Variants in VPS13D observed in about 807,000 individuals in gnomAD.
VPS13D encodes intermembrane lipid transfer protein VPS13D.
VPS13D carries 187 observed loss-of-function variants against 461.9 expected under a neutral mutation model. That is an observed-to-expected ratio of 0.40 (90% CI 0.36 to 0.46). The LOEUF (loss-of-function observed/expected upper bound fraction) is 0.46, where lower values mean the gene tolerates loss of function less well. Among genes scored for constraint, VPS13D ranks in the 20% least tolerant of loss-of-function variants. The probability of loss-of-function intolerance (pLI) is 0.60; values close to 1 mark genes in which losing one functional copy is unlikely to be tolerated. For synonymous variants in VPS13D, 1,951 were observed against 1,986.3 expected (o/e 0.98, Z 0.47); for missense variants, 4,711 against 5,364.9 (o/e 0.88, Z 3.81).
chr1:12,414,345 C>T (rs1224062025), intron 63 of VPS13D, among the ~76,000 whole-genome samples: 1 of 151,988 alleles, frequency 6.6e-6, no homozygotes, highest in Non-Finnish European at 1.5e-5. Context: ...TATCAAAAAG[C>T]CTGAAACAAC....
chr1:12,251,659 T>C (rs1177535664), intron 6 of VPS13D, among the ~76,000 whole-genome samples: 1 of 152,144 alleles, frequency 6.6e-6, no homozygotes, highest in Non-Finnish European at 1.5e-5. Flanking sequence ...ATAACTTTTT[T>C]TTTCCTGGCA....
chr1:12,399,430 C>T (rs1241116330), intron 60 of VPS13D, among the ~76,000 whole-genome samples: 1 of 151,662 alleles, frequency 6.6e-6, no homozygotes, highest in African/African-American at 2.4e-5. Context: ...CTCCTGACCT[C>T]GTGATCCGCC....
intron 62 of VPS13D, 57 bp downstream of exon 62, chr1:12,401,761 G>C (rs192390519): frequency 1.4e-6 from 2 of 1,458,744 alleles, no homozygotes; most frequent in Admixed American, 1.7e-5. Context: ...TGGTATTTTT[G>C]AGTCTGTTTG....
At chr1:12,259,595 C>T (rs757182422) in intron 10 of VPS13D, among the ~76,000 whole-genome samples, 2 of 152,128 alleles carry the variant, frequency 1.3e-5, no homozygotes, top group Non-Finnish European at 2.9e-5. Flanking sequence ...TGAGCCACTG[C>T]GCCCAGCCCT....
intron 35 of VPS13D, among the ~76,000 whole-genome samples, chr1:12,326,413 C>G (rs1284703403): frequency 6.8e-6 from 1 of 147,804 alleles, no homozygotes; most frequent in Admixed American, 6.9e-5. Context: ...TCATGGCTCA[C>G]TCTAGCCTCA....
chr1:12,245,976 A>T (rs1557661282), intron 5 of VPS13D, among the ~76,000 whole-genome samples: 1 of 152,168 alleles, frequency 6.6e-6, no homozygotes, highest in Non-Finnish European at 1.5e-5. Context: ...CATTGTATGG[A>T]TTGTCAAAGA....
At position 12,395,846 on chromosome 1, in the gene VPS13D, T is replaced by C. The variant is rs1570087488; in HGVS notation, c.11635-4335T>C. ...TAGAGGTAGAGTCCTTAGCAATTTT[T>C]TGGGGGGCTAATCATATTCAGCAGC... On this transcript the variant is annotated intron_variant, in intron 60 of 69. Transcript: ENST00000620676. Among the ~76,000 whole-genome samples, 4 of 151,422 alleles carry C rather than the reference T, an allele frequency of 2.6e-5. No individual in the cohort carries two copies. In the South Asian group the frequency reaches 8.4e-4, roughly 32 times the overall value.
At chr1:12,238,660 C>G (rs1640245177) in intron 2 of VPS13D, among the ~76,000 whole-genome samples, 1 of 142,406 alleles carries the variant, frequency 7.0e-6, no homozygotes, top group Admixed American at 7.4e-5. Context: ...GAGAGGAAGT[C>G]TCACTCTGTC....
At chr1:12,338,003 A>G in intron 39 of VPS13D, 1 of 408,846 alleles carries the variant, frequency 2.4e-6, no homozygotes, top group Non-Finnish European at 4.5e-6. Context: ...AAAAAAAAAA[A>G]GCATGTTACT....
At position 12,260,787 on chromosome 1, in the gene VPS13D, T is replaced by G. The variant is rs757502708; in HGVS notation, c.1205T>G (p.Leu402Arg). Residue 402 changes from leucine to arginine, a missense_variant, in exon 11 of 70, where the codon CTA (leucine) becomes CGA (arginine). Around this residue, in one of 3 missense-constraint regions of VPS13D, gnomAD observed 4,411 missense variants for 4,937.8 expected, o/e 0.89. Coordinates refer to ENST00000620676, the MANE Select transcript of VPS13D (RefSeq NM_015378.4). ...VHDRFHKQEE[L>R]AESLREPQFD... ...GATCGATTTCACAAACAGGAAGAACTAGCAGAGGTAAGAAATCCTCTACAA... is the reference window on the plus strand; with the variant it reads ...GATCGATTTCACAAACAGGAAGAACGAGCAGAGGTAAGAAATCCTCTACAA... The G allele has an allele frequency of 1.9e-6, 3 of 1,614,022 alleles. No individual in the cohort carries two copies. Among genetic ancestry groups the G allele is most frequent in the Non-Finnish European group, 2.5e-6 (3 of 1,179,990 alleles).
chr1:12,246,920 C>G (rs746653695), intron 5 of VPS13D, among the ~76,000 whole-genome samples: 1 of 152,078 alleles, frequency 6.6e-6, no homozygotes, highest in Non-Finnish European at 1.5e-5. Flanking sequence ...TTTGCTATTA[C>G]GAATAATATT....
intron 60 of VPS13D, among the ~76,000 whole-genome samples, chr1:12,393,261 C>T (rs1174480345): frequency 1.3e-5 from 2 of 152,200 alleles, no homozygotes; most frequent in African/African-American, 2.4e-5. Context: ...TGATATTTTG[C>T]GGAAGCAAAA....
Position 12,283,001 on chromosome 1 carries a change from A to G in VPS13D, c.4899A>G (p.Gly1633=). The part of the protein sequence containing the change: ...CISELQVQLS[G]DLTLGAQGLV... The stretch of plus-strand genomic sequence containing the variant: ...CAGAGCTTCAGGTTCAGCTAAGTGG[A>G]GATCTGACTTTGGGGGCCCAAGGTC... The change falls in exon 21 of 70, where the codon GGA becomes GGG. Residue 1633 remains glycine, a synonymous_variant. Transcript: ENST00000620676. 3 of 1,614,160 alleles carry G rather than the reference A, an allele frequency of 1.9e-6. No homozygotes were observed. Among genetic ancestry groups the G allele is most frequent in the Non-Finnish European group, 2.5e-6 (3 of 1,180,014 alleles).
At chr1:12,318,394 C>T (rs762334520) in intron 31 of VPS13D, 57 bp downstream of exon 31, 8 of 1,558,706 alleles carry the variant, frequency 5.1e-6, no homozygotes, top group Non-Finnish European at 7.0e-6. Flanking sequence ...GGCTCAATAT[C>T]TGCCTTACAG....
At chr1:12,463,485 C>T (rs964703794) in intron 67 of VPS13D, among the ~76,000 whole-genome samples, 1 of 152,140 alleles carries the variant, frequency 6.6e-6, no homozygotes, top group African/African-American at 2.4e-5. Context: ...GGCATGGTGG[C>T]TCACACCTGT....
chr1:12,411,945 G>A (rs1644735693), intron 63 of VPS13D, among the ~76,000 whole-genome samples: 1 of 152,194 alleles, frequency 6.6e-6, no homozygotes, highest in Admixed American at 6.5e-5. Context: ...CAGGCTCAAA[G>A]GTCACACATT....
At chr1:12,311,377 C>A (rs906268178) in intron 27 of VPS13D, 77 bp from the exon 28 acceptor site, 2 of 1,402,624 alleles carry the variant, frequency 1.4e-6, no homozygotes, top group African/African-American at 2.9e-5. Context: ...CATTTTAGCC[C>A]CGTTGTTTGG....
At chr1:12,252,433 C>A (rs1241063076) in intron 6 of VPS13D, among the ~76,000 whole-genome samples, 1 of 152,168 alleles carries the variant, frequency 6.6e-6, no homozygotes, top group Non-Finnish European at 1.5e-5. Context: ...CTTCCATATC[C>A]TCAGGTTCCA....
intron 25 of VPS13D, among the ~76,000 whole-genome samples, chr1:12,302,075 A>G (rs1642438277): frequency 6.6e-6 from 1 of 152,256 alleles, no homozygotes; most frequent in South Asian, 2.1e-4. Flanking sequence ...TGTACAGCAC[A>G]GTACTGTGTT....
Sources: allele counts gnomAD v4.1 joint callset (sites outside exome capture counted in the v4.1 genomes callset), GRCh38; gene constraint gnomAD v4.1.1; regional missense constraint gnomAD v4.1.1; transcripts MANE v1.5; gene names NCBI Gene and HGNC (gene_info 2026-07-23, HGNC 2026-07-21).